DLGAP2: variants seen among roughly 807,000 people sequenced by gnomAD.
The protein encoded by DLGAP2 is disks large-associated protein 2.
DLGAP2 carries 26 observed loss-of-function variants against 100.3 expected under a neutral mutation model. The ratio of observed to expected loss-of-function variants is 0.26; its 90% confidence interval spans 0.19 to 0.36. The LOEUF (loss-of-function observed/expected upper bound fraction) is 0.36. Ranked by LOEUF, DLGAP2 falls within the 10% of genes least tolerant of loss-of-function variation. The pLI is 1.00. For synonymous variants in DLGAP2, 886 were observed against 630.1 expected (o/e 1.41, Z -6.08); for missense variants, 1,858 against 1,453.2 (o/e 1.28, Z -4.53).
In DLGAP2 at chr8:1,272,018, G is replaced by A. The variant is rs114337079; in HGVS notation, c.106+13135G>A. Among the ~76,000 whole-genome samples the A allele has an allele frequency of 7.3e-3, 1,109 of 152,092 alleles. 18 individuals are homozygous for A. The highest frequency in any genetic ancestry group is 0.025 in the African/African-American group (1,042 of 41,458). ...TAGTAGAGATGGGATTTCACTACAC[G>A]TTGGCCAAGTTGGTCTCAAACTCCT... On this transcript the variant is annotated intron_variant, in intron 3 of 14. Coordinates refer to ENST00000637795, the MANE Select transcript of DLGAP2 (RefSeq NM_001346810.2).
chr8:744,066 A>C (rs1820553236), intron 1 of DLGAP2, among the ~76,000 whole-genome samples: 2 of 152,216 alleles, frequency 1.3e-5, no homozygotes, highest in Non-Finnish European at 1.5e-5. Context: ...AGCTGAAGGA[A>C]GTGACTTGTT....
At chr8:813,928 A>C (rs775732060) in intron 1 of DLGAP2, among the ~76,000 whole-genome samples, 2 of 152,170 alleles carry the variant, frequency 1.3e-5, no homozygotes, top group Non-Finnish European at 2.9e-5. Flanking sequence ...AGTGATGAGG[A>C]TGAATAGATG....
intron 3 of DLGAP2, among the ~76,000 whole-genome samples, chr8:1,280,058 G>A (rs557897573): frequency 2.6e-4 from 40 of 152,304 alleles, no homozygotes; most frequent in Admixed American, 5.9e-4. Context: ...ATGCACTCAC[G>A]TAAGGTCTGG....
chr8:865,484 A>G (rs1196640196), intron 1 of DLGAP2, among the ~76,000 whole-genome samples: 1 of 152,000 alleles, frequency 6.6e-6, no homozygotes, highest in Non-Finnish European at 1.5e-5. Context: ...TGTTGATCAG[A>G]TTCTGTGATG....
In DLGAP2 at chr8:926,320, A is replaced by G. The variant is rs563192616; in HGVS notation, c.73+18354A>G. Among the ~76,000 whole-genome samples, 3 of 152,138 alleles carry G rather than the reference A, an allele frequency of 2.0e-5. No homozygotes were observed. In the South Asian group the frequency reaches 6.2e-4, roughly 32 times the overall value. ...CTGCTTTCCCGTTCTTCCTTCCCAG[A>G]TCCCAGTGAGGGCTCCCCGTGTTGG... On this transcript the variant is annotated intron_variant, in intron 2 of 14. Transcript: ENST00000637795.
At position 1,101,097 on chromosome 8, in the gene DLGAP2, C is replaced by T. The variant is rs143999357; in HGVS notation, c.74-157754C>T. Reference sequence around the variant, plus strand: ...TCCTCAGGGGCTAGAAGGGCCTGAACGGCATCTTCACTCTGATGTTAGCAA... The same window carrying T: ...TCCTCAGGGGCTAGAAGGGCCTGAATGGCATCTTCACTCTGATGTTAGCAA... On this transcript the variant is annotated intron_variant, in intron 2 of 14. Transcript: ENST00000637795. Among the ~76,000 whole-genome samples, 16 of 152,324 alleles carry T rather than the reference C, an allele frequency of 1.1e-4. 1 individual carries two copies. In the East Asian group the frequency reaches 1.7e-3, roughly 17 times the overall value.
At chr8:1,503,009 T>C (rs1799777349) in intron 4 of DLGAP2, among the ~76,000 whole-genome samples, 1 of 152,116 alleles carries the variant, frequency 6.6e-6, no homozygotes, top group African/African-American at 2.4e-5. Flanking sequence ...GCCTGGATTC[T>C]GACCCTGGAC....
chr8:1,005,407 T>G (rs1801078002), intron 2 of DLGAP2, among the ~76,000 whole-genome samples: 2 of 71,200 alleles, frequency 2.8e-5, no homozygotes, highest in African/African-American at 8.4e-5. Flanking sequence ...CTCCACTTGT[T>G]TTTTTTTTTT....
intron 3 of DLGAP2, among the ~76,000 whole-genome samples, chr8:1,305,815 C>A (rs6997176): frequency 5.3e-5 from 8 of 152,196 alleles, no homozygotes; most frequent in African/African-American, 1.9e-4. Context: ...CCCCACTCAA[C>A]AGCAGATGAC....
rs903167945 is a variant in DLGAP2 at position 927,760 on chromosome 8, G to A, written c.73+19794G>A. On this transcript the variant is annotated intron_variant, in intron 2 of 14. Transcript: ENST00000637795. Reference sequence around the variant, plus strand: ...ATTTGGAGTATGGGGTTAGAGTTGGGAATTACTGTTCTTGGTCGTTCCTGG... The same window carrying A: ...ATTTGGAGTATGGGGTTAGAGTTGGAAATTACTGTTCTTGGTCGTTCCTGG... Among the ~76,000 whole-genome samples the A allele has an allele frequency of 5.9e-5, 9 of 152,134 alleles. No homozygotes were observed. In the East Asian group the frequency reaches 1.7e-3, roughly 29 times the overall value.
chr8:1,419,716 G>T (rs1030095790), intron 3 of DLGAP2, among the ~76,000 whole-genome samples: 9 of 152,180 alleles, frequency 5.9e-5, no homozygotes, highest in Non-Finnish European at 8.8e-5. Flanking sequence ...AAAAGTAACA[G>T]TTCTAGCAAG....
At position 1,100,721 on chromosome 8, in the gene DLGAP2, A is replaced by G. The variant is rs139352211; in HGVS notation, c.74-158130A>G. Among the ~76,000 whole-genome samples the G allele has an allele frequency of 5.3e-3, 801 of 152,222 alleles. 8 individuals carry two copies. The highest frequency in any genetic ancestry group is 0.018 in the African/African-American group (763 of 41,518). On this transcript the variant is annotated intron_variant, in intron 2 of 14. Coordinates refer to ENST00000637795, the MANE Select transcript of DLGAP2 (RefSeq NM_001346810.2). ...GCCTGTTGCATTTCAGCTCCTTTTGACTTCATTCTCTTTCCACGCATGATC... is the reference window on the plus strand; with the variant it reads ...GCCTGTTGCATTTCAGCTCCTTTTGGCTTCATTCTCTTTCCACGCATGATC...
intron 4 of DLGAP2, among the ~76,000 whole-genome samples, chr8:1,542,802 T>G (rs1023249184): frequency 6.6e-6 from 1 of 152,180 alleles, no homozygotes; most frequent in African/African-American, 2.4e-5. Context: ...TCAGCCTTTT[T>G]AGGACCCTCC....
intron 2 of DLGAP2, among the ~76,000 whole-genome samples, chr8:1,106,181 A>C (rs1804761351): frequency 7.9e-6 from 1 of 126,414 alleles, no homozygotes; most frequent in African/African-American, 3.1e-5. Flanking sequence ...CCATTCTAGG[A>C]GGTTTTCTAC....
At chr8:1,560,086 G>A (rs953015412) in intron 5 of DLGAP2, among the ~76,000 whole-genome samples, 1 of 152,176 alleles carries the variant, frequency 6.6e-6, no homozygotes, top group African/African-American at 2.4e-5. Flanking sequence ...AAATAAGGGT[G>A]TTTATTACAA....
At chr8:1,451,179 A>C (rs12541368) in intron 3 of DLGAP2, among the ~76,000 whole-genome samples, 1 of 152,040 alleles carries the variant, frequency 6.6e-6, no homozygotes, top group African/African-American at 2.4e-5. Flanking sequence ...GTGCTGCTGC[A>C]TGCAGGCCAT....
At chr8:768,871 C>G (rs1821284451) in intron 1 of DLGAP2, among the ~76,000 whole-genome samples, 1 of 152,140 alleles carries the variant, frequency 6.6e-6, no homozygotes, top group South Asian at 2.1e-4. Flanking sequence ...TTTCATGTGT[C>G]TGGGGTCAGG....
At chr8:1,632,549 T>C (rs1797673084) in intron 7 of DLGAP2, among the ~76,000 whole-genome samples, 2 of 152,196 alleles carry the variant, frequency 1.3e-5, no homozygotes, top group Admixed American at 6.5e-5. Context: ...CTCTTACACT[T>C]TGTAATAACT....
intron 3 of DLGAP2, among the ~76,000 whole-genome samples, chr8:1,426,209 G>C (rs1797233130): frequency 6.6e-6 from 1 of 152,152 alleles, no homozygotes; most frequent in Admixed American, 6.5e-5. Flanking sequence ...ACCCACATCA[G>C]CAAATTCAAA....
Sources: gnomAD v4.1 joint callset for allele counts (sites outside exome capture counted in the v4.1 genomes callset) on GRCh38, gnomAD v4.1.1 for gene constraint, MANE v1.5 for transcripts, NCBI Gene and HGNC (gene_info 2026-07-23, HGNC 2026-07-21) for gene names.